Variants in SYT7 observed in about 807,000 individuals in gnomAD.
SYT7 encodes synaptotagmin-7.
SYT7 carries 29 observed loss-of-function variants against 75.1 expected under a neutral mutation model. The ratio of observed to expected loss-of-function variants is 0.39; its 90% CI spans 0.29 to 0.53. The LOEUF is 0.53. Ranked by LOEUF, SYT7 falls within the 20% of genes least tolerant of loss-of-function variation. The probability of loss-of-function intolerance (pLI) is 0.77; values close to 1 mark genes in which losing one functional copy is unlikely to be tolerated. For missense variants in SYT7, 693 were observed against 953.2 expected (o/e 0.73, Z 3.59); for synonymous variants, 376 against 401.7 (o/e 0.94, Z 0.76).
intron 1 of SYT7, among the ~76,000 whole-genome samples, chr11:61,565,659 G>A (rs889334122): frequency 1.3e-5 from 2 of 152,238 alleles, no homozygotes; most frequent in African/African-American, 4.8e-5. Context: ...GCTGGGCCTT[G>A]GACCTACCCC....
chr11:61,539,921 T>C (rs949165662), intron 6 of SYT7: 3 of 152,110 alleles, frequency 2.0e-5, no homozygotes, highest in Non-Finnish European at 4.4e-5. Flanking sequence ...TCAGGACGAA[T>C]CCTCCTTTTC....
intron 8 of SYT7, among the ~76,000 whole-genome samples, chr11:61,531,568 GA>G (rs911036335): frequency 1.3e-5 from 2 of 151,952 alleles, no homozygotes; most frequent in Non-Finnish European, 2.9e-5. Context: ...CTAGGATGTG[GA>G]AAATCTGATG....
At chr11:61,575,285 G>A (rs1174659478) in intron 1 of SYT7, among the ~76,000 whole-genome samples, 1 of 152,116 alleles carries the variant, frequency 6.6e-6, no homozygotes, top group Non-Finnish European at 1.5e-5. Context: ...GAAGGAGCAG[G>A]GCCAGCAGCA....
At chr11:61,552,085 G>T (rs1360990046) in intron 2 of SYT7, among the ~76,000 whole-genome samples, 1 of 152,054 alleles carries the variant, frequency 6.6e-6, no homozygotes, top group Non-Finnish European at 1.5e-5. Context: ...CGGGGAGGCA[G>T]CCTGGGCCCC....
chr11:61,577,096 C>T (rs1007399152), intron 1 of SYT7, among the ~76,000 whole-genome samples: 42 of 152,206 alleles, frequency 2.8e-4, no homozygotes, highest in African/African-American at 9.9e-4. Context: ...AAGCGGGCAG[C>T]TTGTTGATCA....
At chr11:61,526,853 C>A (rs1346539729) in intron 9 of SYT7, among the ~76,000 whole-genome samples, 1 of 152,176 alleles carries the variant, frequency 6.6e-6, no homozygotes, top group Non-Finnish European at 1.5e-5. Context: ...TGGCTGTCAT[C>A]TTGCAGAAGA....
At chr11:61,562,019 TGCACACACAC>T (rs2063649432) in intron 1 of SYT7, among the ~76,000 whole-genome samples, 1 of 151,196 alleles carries the variant, frequency 6.6e-6, no homozygotes, top group Admixed American at 6.6e-5. Flanking sequence ...TGTGCGCGCA[TGCACACACAC>T]ATGCATGCAC....
chr11:61,584,167 T>A (rs918690377), upstream of SYT7, among the ~76,000 whole-genome samples: 2 of 151,932 alleles, frequency 1.3e-5, no homozygotes, highest in Non-Finnish European at 2.9e-5. Context: ...AGGCGGGCAG[T>A]TCACAAGGCC....
chr11:61,523,283 G>A lies in SYT7; in HGVS notation c.1757-9C>T. On this transcript the variant is annotated splice_polypyrimidine_tract_variant and intron_variant, in intron 11 of 12. Coordinates refer to ENST00000539008, the MANE Select transcript of SYT7 (RefSeq NM_001365809.2). The surrounding 1 kb of genome is among the most constrained non-coding windows in gnomAD (Gnocchi z 5.0). The stretch of plus-strand genomic sequence containing the variant: ...TACCTTCACGTAGGGGTCTAGGGGA[G>A]GGAGTGGGGAAGGGTTAGAGGGACC... 1 of 1,614,030 alleles carries A rather than the reference G, an allele frequency of 6.2e-7. No homozygotes were observed. Among genetic ancestry groups the A allele is most frequent in the East Asian group, 2.2e-5 (1 of 44,872 alleles).
chr11:61,530,616 C>T (rs147978158), intron 8 of SYT7, among the ~76,000 whole-genome samples: 2 of 152,162 alleles, frequency 1.3e-5, no homozygotes, highest in East Asian at 1.9e-4. Context: ...AAAGATCACT[C>T]GCCCTCCCCC....
chr11:61,569,223 C>G (rs2063854112), intron 1 of SYT7, among the ~76,000 whole-genome samples: 2 of 152,178 alleles, frequency 1.3e-5, no homozygotes, highest in Non-Finnish European at 2.9e-5. Context: ...GCAGGGCTGC[C>G]AGTCCCTCGG....
At chr11:61,578,366 A>ATT (rs563984764) in intron 1 of SYT7, among the ~76,000 whole-genome samples, 2 of 145,888 alleles carry the variant, frequency 1.4e-5, no homozygotes, top group South Asian at 2.2e-4. Flanking sequence ...GAGAGGACAG[A>ATT]TTTTTTTTTT....
At position 61,524,254 on chromosome 11, in the gene SYT7, CCT is replaced by C; in HGVS notation, c.1641+107_1641+108del. 7.3e-7 allele frequency: 1 copy of C among 1,368,292 alleles called. No individual in the cohort carries two copies. The highest frequency in any genetic ancestry group is 9.9e-7 in the Non-Finnish European group (1 of 1,005,046). The allele number at this position is 1,368,292 out of a possible 1,614,324, so 84.8% of individuals were successfully genotyped here. ...CTCCATCGGGTCCACCCATCTGCACCCTCTCCCACAGCCCTCCTGGCCTTCCT... is the reference window on the plus strand; with the variant it reads ...CTCCATCGGGTCCACCCATCTGCACCCTCCCACAGCCCTCCTGGCCTTCCT... On this transcript the variant is annotated intron_variant, in intron 10 of 12. Coordinates refer to ENST00000539008, the MANE Select transcript of SYT7 (RefSeq NM_001365809.2). The surrounding 1 kb of genome is among the most constrained non-coding windows in gnomAD (Gnocchi z 4.1).
At chr11:61,547,122 G>A in intron 4 of SYT7, 55 bp downstream of exon 4, 1 of 1,522,484 alleles carries the variant, frequency 6.6e-7, no homozygotes. Context: ...GAGGAGGGAA[G>A]GAGGGCGTGC....
chr11:61,552,104 A>C (rs1187159825), intron 2 of SYT7, among the ~76,000 whole-genome samples: 2 of 152,072 alleles, frequency 1.3e-5, no homozygotes, highest in Non-Finnish European at 2.9e-5. Context: ...CCTGCCCCCC[A>C]GAGTCCCTCA....
At chr11:61,518,785 T>C (rs1201089174) in intron 12 of SYT7, 54 bp from the exon 13 acceptor site, 1 of 1,332,956 alleles carries the variant, frequency 7.5e-7, no homozygotes, top group Middle Eastern at 1.9e-4. Context: ...GCACTGGCCC[T>C]TTCCCCCACA....
chr11:61,571,362 T>A (rs1418675913), intron 1 of SYT7, among the ~76,000 whole-genome samples: 1 of 152,160 alleles, frequency 6.6e-6, no homozygotes, highest in Non-Finnish European at 1.5e-5. Flanking sequence ...CTGGGTCACA[T>A]ATGTCCACAA....
In SYT7 at chr11:61,520,081, C is replaced by A. The variant is rs1043554214; in HGVS notation, c.1957-1350G>T. On this transcript the variant is annotated intron_variant, in intron 12 of 12. Transcript: ENST00000539008. ...GATCTGGGCAAACTGGTCTCACACT[C>A]CTGACCTCGTGATCTGGGCAAACTG... is the stretch of plus-strand genomic sequence containing the variant. Among the ~76,000 whole-genome samples, 7 of 130,996 alleles carry A rather than the reference C, an allele frequency of 5.3e-5. No individual in the cohort carries two copies. In the East Asian group the frequency reaches 1.2e-3, roughly 22 times the overall value. 85.9% of individuals were successfully genotyped at this position (130,996 alleles called of 152,430 possible). A position where few individuals can be genotyped will look rare whatever the true frequency, so the allele number is the denominator to read the frequency against.
chr11:61,578,758 G>C (rs536026260), intron 1 of SYT7, among the ~76,000 whole-genome samples: 2 of 152,306 alleles, frequency 1.3e-5, no homozygotes, highest in South Asian at 2.1e-4. Flanking sequence ...GCCTATGTCT[G>C]ACCCCACCCA....
Sources: gnomAD v4.1 joint callset for allele counts (sites outside exome capture counted in the v4.1 genomes callset) on GRCh38, gnomAD v4.1.1 for gene constraint, Gnocchi (gnomAD v3.1) non-coding constraint, MANE v1.5 for transcripts, NCBI Gene and HGNC (gene_info 2026-07-23, HGNC 2026-07-21) for gene names.